The following UHRF2 variants were observed in gnomAD, a reference collection of about 807,000 sequenced individuals.
UHRF2 encodes E3 ubiquitin-protein ligase UHRF2.
In UHRF2, 23 loss-of-function variants were observed where a neutral mutation model predicts 96.8. The observed-to-expected ratio is 0.24, with a 90% confidence interval of 0.17 to 0.34. The LOEUF is 0.34. Ranked by LOEUF, UHRF2 falls within the 10% of genes least tolerant of loss-of-function variation. The pLI, the probability that UHRF2 is intolerant of heterozygous loss-of-function variation, is 1.00. For missense variants in UHRF2, 685 were observed against 981.5 expected, an observed-to-expected ratio of 0.70 and a Z score of 4.04; for synonymous variants, 385 against 332.6, an observed-to-expected ratio of 1.16 and a Z score of -1.72.
At chr9:6,431,199 G>A (rs998886188) in intron 2 of UHRF2, among the ~76,000 whole-genome samples, 5 of 152,126 alleles carry the variant, frequency 3.3e-5, no homozygotes, top group African/African-American at 1.2e-4. Context: ...TCTATCCAAT[G>A]TGCAGAAAGT....
At chr9:6,475,768 G>A (rs1458046009) in intron 5 of UHRF2, among the ~76,000 whole-genome samples, 1 of 151,948 alleles carries the variant, frequency 6.6e-6, no homozygotes, top group Admixed American at 6.6e-5. Flanking sequence ...AATAGTTGTA[G>A]ATATTTAAGG....
intron 1 of UHRF2, among the ~76,000 whole-genome samples, chr9:6,416,778 C>A (rs918002565): frequency 1.3e-5 from 2 of 152,020 alleles, no homozygotes; most frequent in Non-Finnish European, 2.9e-5. Flanking sequence ...CCGCCCGCCT[C>A]GGCCTCCCAA....
At chr9:6,474,375 T>C (rs1480684569) in intron 4 of UHRF2, among the ~76,000 whole-genome samples, 1 of 152,216 alleles carries the variant, frequency 6.6e-6, no homozygotes, top group Non-Finnish European at 1.5e-5. Flanking sequence ...TTAGGCTTCT[T>C]AAATCTGTAG....
chr9:6,495,299 G>A (rs1031290463), intron 10 of UHRF2: 2 of 152,172 alleles, frequency 1.3e-5, no homozygotes, highest in African/African-American at 4.8e-5. Context: ...AGGAGATAGT[G>A]AAAATGAAAT....
intron 3 of UHRF2, among the ~76,000 whole-genome samples, chr9:6,447,043 C>T (rs952330641): frequency 6.6e-6 from 1 of 151,942 alleles, no homozygotes; most frequent in Non-Finnish European, 1.5e-5. Context: ...TGCCTGCTAC[C>T]ACACCCGGCT....
At chr9:6,470,885 T>C (rs1197467651) in intron 4 of UHRF2, among the ~76,000 whole-genome samples, 1 of 152,002 alleles carries the variant, frequency 6.6e-6, no homozygotes, top group Non-Finnish European at 1.5e-5. Context: ...GCAGATAAAG[T>C]AGAAAACATA....
intron 14 of UHRF2, among the ~76,000 whole-genome samples, chr9:6,501,703 G>A (rs966791229): frequency 1.3e-5 from 2 of 152,342 alleles, no homozygotes; most frequent in African/African-American, 4.8e-5. Flanking sequence ...TACACTTTGA[G>A]AAGTGTTTAC....
At chr9:6,469,430 A>G (rs1415850848) in intron 4 of UHRF2, among the ~76,000 whole-genome samples, 1 of 152,048 alleles carries the variant, frequency 6.6e-6, no homozygotes, top group Non-Finnish European at 1.5e-5. Flanking sequence ...AGGCAGGAGA[A>G]TCACCTGAAC....
At chr9:6,435,111 A>T (rs1820765166) in intron 3 of UHRF2, among the ~76,000 whole-genome samples, 1 of 151,832 alleles carries the variant, frequency 6.6e-6, no homozygotes, top group Non-Finnish European at 1.5e-5. Context: ...CTCCTGCCTC[A>T]GCCTCCCGAG....
intron 4 of UHRF2, among the ~76,000 whole-genome samples, chr9:6,473,365 A>G (rs896890348): frequency 7.2e-5 from 11 of 152,240 alleles, no homozygotes; most frequent in African/African-American, 2.4e-4. Context: ...TCAGCATTTT[A>G]TCTTTGTTAT....
Position 6,475,379 on chromosome 9 carries a change from T to G in UHRF2, c.864-12T>G, listed in dbSNP as rs1482359092. The G allele has an allele frequency of 1.3e-6, 2 of 1,495,566 alleles. No homozygotes were observed. The highest frequency in any genetic ancestry group is 2.8e-5 in the African/African-American group (2 of 70,464). The allele number at this position is 1,495,566 out of a possible 1,614,324, so 92.6% of individuals were successfully genotyped here. On this transcript the variant is annotated splice_polypyrimidine_tract_variant and intron_variant, in intron 4 of 15. Transcript: ENST00000276893. Reference sequence around the variant, plus strand: ...GCTGGCAGAAGTTAACCTTTCTTCCTTTTTTAAACAGGGGTTCTGAAGGAA... The same window carrying G: ...GCTGGCAGAAGTTAACCTTTCTTCCGTTTTTAAACAGGGGTTCTGAAGGAA...
At chr9:6,460,842 T>G in intron 4 of UHRF2, 51 bp downstream of exon 4, 1 of 1,518,916 alleles carries the variant, frequency 6.6e-7, no homozygotes, top group South Asian at 1.2e-5. Flanking sequence ...GATCAAGGAA[T>G]GTATTTTTAG....
At chr9:6,453,126 T>A (rs913530084) in intron 3 of UHRF2, among the ~76,000 whole-genome samples, 40 of 152,332 alleles carry the variant, frequency 2.6e-4, no homozygotes, top group Admixed American at 1.4e-3. Context: ...TATAATCCAC[T>A]ATATAATTCT....
chr9:6,502,963 A>G (rs547271407), intron 14 of UHRF2, among the ~76,000 whole-genome samples: 9 of 152,278 alleles, frequency 5.9e-5, no homozygotes, highest in South Asian at 2.1e-4. Flanking sequence ...GTGACATTCA[A>G]TTTTTAAATT....
chr9:6,432,681 A>G (rs1375081490), intron 2 of UHRF2, among the ~76,000 whole-genome samples: 2 of 152,220 alleles, frequency 1.3e-5, no homozygotes, highest in African/African-American at 2.4e-5. Flanking sequence ...GAGGTATGCC[A>G]TCTATTAGAC....
At chr9:6,463,212 C>T (rs1453140462) in intron 4 of UHRF2, among the ~76,000 whole-genome samples, 2 of 151,822 alleles carry the variant, frequency 1.3e-5, no homozygotes, top group African/African-American at 4.8e-5. Flanking sequence ...ACCTGGGAGG[C>T]GCAGATTGCC....
chr9:6,446,264 C>G (rs1821496794), intron 3 of UHRF2, among the ~76,000 whole-genome samples: 1 of 151,904 alleles, frequency 6.6e-6, no homozygotes, highest in Admixed American at 6.6e-5. Context: ...GATTCTCATA[C>G]CTCAGCCTCC....
chr9:6,426,793 A>T (rs1442442779), intron 2 of UHRF2, among the ~76,000 whole-genome samples: 4 of 152,134 alleles, frequency 2.6e-5, no homozygotes, highest in Admixed American at 2.0e-4. Context: ...TTTGTTGCCC[A>T]GGCTGGAGTG....
intron 3 of UHRF2, among the ~76,000 whole-genome samples, chr9:6,459,442 G>A (rs1400529926): frequency 6.6e-6 from 1 of 152,318 alleles, no homozygotes; most frequent in East Asian, 1.9e-4. Flanking sequence ...ACTGAGGCGG[G>A]TGGATCACCT....
Sources: allele counts gnomAD v4.1 joint callset (sites outside exome capture counted in the v4.1 genomes callset), GRCh38; gene constraint gnomAD v4.1.1; transcripts MANE v1.5; gene names NCBI Gene and HGNC (gene_info 2026-07-23, HGNC 2026-07-21).